Variants in CCDC171 observed in about 807,000 individuals in gnomAD.
CCDC171 encodes the protein coiled-coil domain containing 171.
A neutral mutation model predicts 168.2 loss-of-function variants in CCDC171; 177 were observed. The observed-to-expected ratio is 1.05, with a 90% CI of 0.93 to 1.19. The LOEUF (loss-of-function observed/expected upper bound fraction) is 1.19, where lower values mean the gene tolerates loss of function less well. Ranked by LOEUF, CCDC171 falls within the 50% of genes most tolerant of loss-of-function variation. The pLI is 0.00. For synonymous variants in CCDC171, 687 were observed against 540.8 expected, an observed-to-expected ratio of 1.27 and a Z score of -3.75; for missense variants, 1,991 against 1,539.0, an observed-to-expected ratio of 1.29 and a Z score of -4.91.
chr9:15,669,273 T>TG (rs1221783467), intron 9 of CCDC171, among the ~76,000 whole-genome samples: 1 of 152,198 alleles, frequency 6.6e-6, no homozygotes. Context: ...ATCTAAAACT[T>TG]GCAGTATGAA....
In CCDC171 at chr9:15,910,172, GCACACACACA is replaced by G. The variant is rs60923477; in HGVS notation, c.3601-10078_3601-10069del. Among the ~76,000 whole-genome samples the G allele has an allele frequency of 2.0e-4, 30 of 150,920 alleles. No homozygotes were observed. The East Asian group carries it at 3.7e-3, about 19-fold the overall frequency. ...GTGTTGTATTCCATGGTATATATGT[GCACACACACA>G]CACACACACACACACACACCATATT... On this transcript the variant is annotated intron_variant, in intron 24 of 25. Coordinates refer to ENST00000380701, the MANE Select transcript of CCDC171 (RefSeq NM_173550.4).
intron 24 of CCDC171, among the ~76,000 whole-genome samples, chr9:15,895,669 G>A (rs1293345561): frequency 6.6e-6 from 1 of 152,106 alleles, no homozygotes; most frequent in Admixed American, 6.6e-5. Flanking sequence ...ATTTTTGTGT[G>A]TGATGGAGAA....
At chr9:16,004,684 A>C (rs1832647512) in intron 3 of CCDC171, among the ~76,000 whole-genome samples, 1 of 152,208 alleles carries the variant, frequency 6.6e-6, no homozygotes, top group Admixed American at 6.5e-5. Context: ...TAGCTGGCTT[A>C]TCCCCACAGG....
chr9:15,612,332 T>A (rs559138933), intron 6 of CCDC171, among the ~76,000 whole-genome samples: 3 of 152,344 alleles, frequency 2.0e-5, no homozygotes, highest in South Asian at 2.1e-4. Flanking sequence ...GTTTGCTTTC[T>A]GTCTTCCAAA....
At chr9:15,620,840 A>G (rs1323122430) in intron 6 of CCDC171, among the ~76,000 whole-genome samples, 3 of 152,188 alleles carry the variant, frequency 2.0e-5, no homozygotes, top group African/African-American at 4.8e-5. Context: ...TTCAGCTGCT[A>G]CCACCCTCAT....
intron 3 of CCDC171, among the ~76,000 whole-genome samples, chr9:15,987,393 C>T (rs1202875793): frequency 6.6e-6 from 1 of 151,962 alleles, no homozygotes; most frequent in African/African-American, 2.4e-5. Context: ...ATGTAATAAA[C>T]CTGCACATGT....
Position 15,695,280 on chromosome 9 carries a change from G to C in CCDC171, c.1261G>C (p.Val421Leu), listed in dbSNP as rs139248677. The C allele has an allele frequency of 3.7e-6, 6 of 1,614,048 alleles. No individual in the cohort carries two copies. The East Asian group carries it at 1.1e-4, about 30-fold the overall frequency. Residue 421 changes from valine (V) to leucine (L), a missense_variant, in exon 11 of 26, where the codon GTG becomes CTG. Transcript: ENST00000380701. ...CCTAGTAGAGACATGTGAAAATAAC[G>C]TGAAAGAATTGGAATCGATCTTGGA... Reference protein sequence around the residue: ...AFLVETCENNVKELESILDSF... With the variant: ...AFLVETCENNLKELESILDSF...
chr9:15,938,244 C>G (rs1197622730), intron 25 of CCDC171, among the ~76,000 whole-genome samples: 3 of 151,654 alleles, frequency 2.0e-5, no homozygotes, highest in Non-Finnish European at 4.4e-5. Flanking sequence ...ATCTGTGTGT[C>G]CAAAACCCGT....
chr9:15,676,848 C>T (rs537736521), intron 9 of CCDC171, among the ~76,000 whole-genome samples: 5 of 152,212 alleles, frequency 3.3e-5, no homozygotes, highest in East Asian at 1.9e-4. Context: ...ATGTAGTCCA[C>T]GTTTTCCTCT....
chr9:15,966,655 G>A (rs1830816521), intron 25 of CCDC171, among the ~76,000 whole-genome samples: 1 of 152,100 alleles, frequency 6.6e-6, no homozygotes, highest in Non-Finnish European at 1.5e-5. Flanking sequence ...TAGGCACACT[G>A]GGCCCTTAGG....
At chr9:16,000,390 G>A (rs1233430228) in intron 3 of CCDC171, among the ~76,000 whole-genome samples, 1 of 152,112 alleles carries the variant, frequency 6.6e-6, no homozygotes, top group Non-Finnish European at 1.5e-5. Flanking sequence ...CTGCCCAAAT[G>A]AGTTGGATCT....
rs1342444146 is a variant in CCDC171, at chr9:15,777,709, T to C, written c.2781T>C (p.Ser927=). 3 of 1,613,684 alleles carry C rather than the reference T, an allele frequency of 1.9e-6. No individual in the cohort carries two copies. Among genetic ancestry groups the C allele is most frequent in the Admixed American group, 1.7e-5 (1 of 59,964 alleles). ...TAATGGAATGTATACCTCTGCACAG[T>C]AGCAGGAGTATTACATATGTAGAAA... is the stretch of plus-strand genomic sequence containing the variant. ...SLVMECIPLH[S]SRSITYVEKD... is the part of the protein sequence containing the mutation. The change falls in exon 19 of 26, where the codon AGT becomes AGC. Residue 927 remains serine, a synonymous_variant. Transcript: ENST00000380701.
At chr9:16,003,126 T>TA (rs1249679486) in intron 3 of CCDC171, among the ~76,000 whole-genome samples, 4 of 152,168 alleles carry the variant, frequency 2.6e-5, no homozygotes, top group Admixed American at 2.0e-4. Flanking sequence ...TTAGTGATTG[T>TA]AAAAAAGAAA....
chr9:15,933,867 G>T (rs1564022801), intron 25 of CCDC171, among the ~76,000 whole-genome samples: 1 of 151,522 alleles, frequency 6.6e-6, no homozygotes, highest in African/African-American at 2.4e-5. Flanking sequence ...TTTGGCAGTG[G>T]ATTCTTATGG....
At chr9:15,895,279 A>G (rs1820761360) in intron 24 of CCDC171, among the ~76,000 whole-genome samples, 1 of 152,150 alleles carries the variant, frequency 6.6e-6, no homozygotes, top group Non-Finnish European at 1.5e-5. Context: ...GAGTCAGAGA[A>G]TGGCTGCCTT....
intron 21 of CCDC171, among the ~76,000 whole-genome samples, chr9:15,785,894 T>A (rs1371069934): frequency 6.6e-6 from 1 of 152,096 alleles, no homozygotes; most frequent in Non-Finnish European, 1.5e-5. Context: ...TTTTGATTTT[T>A]TTTTTTGTTT....
chr9:16,062,274 A>G (rs952529680), downstream of CCDC171, among the ~76,000 whole-genome samples: 2 of 152,208 alleles, frequency 1.3e-5, no homozygotes, highest in African/African-American at 4.8e-5. Context: ...GCTGGAAACC[A>G]TTATTCTAAA....
chr9:15,699,048 A>G (rs1337512392), intron 11 of CCDC171, among the ~76,000 whole-genome samples: 1 of 151,930 alleles, frequency 6.6e-6, no homozygotes, highest in Admixed American at 6.6e-5. Context: ...ACTTGGTCTC[A>G]CTGACTTCAA....
At chr9:15,773,764 T>C (rs1299556442) in intron 18 of CCDC171, among the ~76,000 whole-genome samples, 1 of 151,738 alleles carries the variant, frequency 6.6e-6, no homozygotes, top group African/African-American at 2.4e-5. Context: ...CCAAAAGAAA[T>C]GCAAGAAAAA....
Sources: allele counts gnomAD v4.1 joint callset (sites outside exome capture counted in the v4.1 genomes callset), GRCh38; gene constraint gnomAD v4.1.1; transcripts MANE v1.5; gene names NCBI Gene and HGNC (gene_info 2026-07-23, HGNC 2026-07-21).